The following ST6GALNAC3 variants were observed in gnomAD, a reference collection of about 807,000 sequenced individuals.
The protein encoded by ST6GALNAC3 is ST6 N-acetylgalactosaminide alpha-2,6-sialyltransferase 3.
A neutral mutation model predicts 32.7 loss-of-function variants in ST6GALNAC3; 25 were observed. The observed-to-expected ratio is 0.76, with a 90% CI of 0.56 to 1.07. The LOEUF is 1.07. Among genes scored for constraint, ST6GALNAC3 ranks in the 50% least tolerant of loss-of-function variants. The pLI, the probability that ST6GALNAC3 is intolerant of heterozygous loss-of-function variation, is 0.00. For synonymous variants in ST6GALNAC3, 129 were observed against 133.1 expected, an observed-to-expected ratio of 0.97 and a Z score of 0.21; for missense variants, 355 against 382.4, an observed-to-expected ratio of 0.93 and a Z score of 0.60.
intron 3 of ST6GALNAC3, among the ~76,000 whole-genome samples, chr1:76,532,426 G>A (rs150685484): frequency 1.6e-4 from 24 of 152,190 alleles, no homozygotes; most frequent in African/African-American, 3.9e-4. Context: ...CAGCTTGGTC[G>A]GAGTGAGATA....
chr1:76,344,067 A>G (rs17098793), intron 2 of ST6GALNAC3, among the ~76,000 whole-genome samples: 29,922 of 152,184 alleles, frequency 0.2, 3,777 homozygotes, highest in African/African-American at 0.36. Context: ...ATGCAAATGA[A>G]CAAATATGCA....
intron 1 of ST6GALNAC3, among the ~76,000 whole-genome samples, chr1:76,107,667 G>A (rs919444703): frequency 6.6e-6 from 1 of 151,692 alleles, no homozygotes; most frequent in Non-Finnish European, 1.5e-5. Context: ...CTTTTCTCTT[G>A]CCCCACCCGC....
At chr1:76,478,760 CTTTTTTT>C (rs397861238) in intron 3 of ST6GALNAC3, among the ~76,000 whole-genome samples, 2 of 109,088 alleles carry the variant, frequency 1.8e-5, no homozygotes, top group African/African-American at 3.7e-5. Flanking sequence ...TTTATTAATT[CTTTTTTT>C]TTTTTTTTTT....
At chr1:76,359,851 G>A (rs1164305389) in intron 2 of ST6GALNAC3, among the ~76,000 whole-genome samples, 1 of 152,198 alleles carries the variant, frequency 6.6e-6, no homozygotes, top group Non-Finnish European at 1.5e-5. Flanking sequence ...GACTTACAGA[G>A]TGGAGAGAAG....
At chr1:76,371,836 A>T (rs1294813761) in intron 2 of ST6GALNAC3, among the ~76,000 whole-genome samples, 1 of 152,164 alleles carries the variant, frequency 6.6e-6, no homozygotes. Flanking sequence ...TCGTGGTGGT[A>T]ATTACAGGGC....
At chr1:76,183,798 T>C (rs1353808835) in intron 1 of ST6GALNAC3, among the ~76,000 whole-genome samples, 2 of 149,430 alleles carry the variant, frequency 1.3e-5, no homozygotes, top group African/African-American at 4.9e-5. Flanking sequence ...ATTATAGTCT[T>C]ATGGGATCAG....
intron 1 of ST6GALNAC3, among the ~76,000 whole-genome samples, chr1:76,135,353 T>A (rs1649875796): frequency 6.6e-6 from 1 of 152,202 alleles, no homozygotes. Context: ...ATGTTCCATG[T>A]TGTTGTGTGA....
chr1:76,532,020 T>G (rs1049780659), intron 3 of ST6GALNAC3, among the ~76,000 whole-genome samples: 3 of 152,196 alleles, frequency 2.0e-5, no homozygotes, highest in African/African-American at 7.2e-5. Context: ...GCAGGGATAC[T>G]GGGATAGCTG....
chr1:76,237,463 C>T (rs533680238), intron 1 of ST6GALNAC3, among the ~76,000 whole-genome samples: 24 of 152,270 alleles, frequency 1.6e-4, no homozygotes, highest in Non-Finnish European at 2.5e-4. Context: ...GCCACTTTAG[C>T]TAAGCCTTTA....
intron 3 of ST6GALNAC3, among the ~76,000 whole-genome samples, chr1:76,486,880 T>C (rs1312358406): frequency 1.3e-5 from 2 of 152,218 alleles, no homozygotes; most frequent in African/African-American, 4.8e-5. Context: ...TTCCTTTCCA[T>C]GTTTAGTGCT....
intron 3 of ST6GALNAC3, among the ~76,000 whole-genome samples, chr1:76,623,649 C>T (rs1648784039): frequency 6.6e-6 from 1 of 151,930 alleles, no homozygotes; most frequent in Non-Finnish European, 1.5e-5. Flanking sequence ...ATAGTTATCA[C>T]TTTAAGGCAT....
chr1:76,307,230 G>A (rs1557772069), intron 1 of ST6GALNAC3, among the ~76,000 whole-genome samples: 1 of 152,022 alleles, frequency 6.6e-6, no homozygotes, highest in Admixed American at 6.6e-5. Context: ...AATTAGTGGG[G>A]TTTTTCCTAG....
chr1:76,308,553 A>G (rs183555958), intron 1 of ST6GALNAC3, among the ~76,000 whole-genome samples: 11 of 152,308 alleles, frequency 7.2e-5, no homozygotes, highest in African/African-American at 2.4e-4. Context: ...CACTTCCATA[A>G]ATAAATCATT....
intron 1 of ST6GALNAC3, among the ~76,000 whole-genome samples, chr1:76,133,813 A>T (rs1251192212): frequency 6.6e-6 from 1 of 152,190 alleles, no homozygotes; most frequent in African/African-American, 2.4e-5. Flanking sequence ...CATCTTCTAC[A>T]GGTTTGGAGT....
intron 3 of ST6GALNAC3, among the ~76,000 whole-genome samples, chr1:76,579,115 T>C (rs1646854718): frequency 6.6e-6 from 1 of 152,124 alleles, no homozygotes; most frequent in Non-Finnish European, 1.5e-5. Flanking sequence ...TAGCCAGTCC[T>C]GCTGATCTTT....
At chr1:76,172,597 A>G (rs1046095919) in intron 1 of ST6GALNAC3, among the ~76,000 whole-genome samples, 1 of 70,480 alleles carries the variant, frequency 1.4e-5, no homozygotes, top group African/African-American at 3.1e-5. Flanking sequence ...CCATCACCTC[A>G]GCCCAAAAAC....
chr1:76,132,255 A>T (rs1649658190), intron 1 of ST6GALNAC3, among the ~76,000 whole-genome samples: 1 of 152,152 alleles, frequency 6.6e-6, no homozygotes, highest in Admixed American at 6.5e-5. Flanking sequence ...CCTCCTCTTT[A>T]TCTGAGTCTA....
chr1:76,335,191 C>A (rs1235637140), intron 2 of ST6GALNAC3, among the ~76,000 whole-genome samples: 2 of 152,160 alleles, frequency 1.3e-5, no homozygotes, highest in Admixed American at 1.3e-4. Flanking sequence ...AGTTTATAAA[C>A]AATCACAAAT....
At chr1:76,592,998 C>CT (rs11303222) in intron 3 of ST6GALNAC3, among the ~76,000 whole-genome samples, 79 of 148,670 alleles carry the variant, frequency 5.3e-4, no homozygotes, top group South Asian at 1.3e-3. Flanking sequence ...TTTTGTCCTC[C>CT]TTTTTTTTTT....
Sources: allele counts gnomAD v4.1 joint callset (sites outside exome capture counted in the v4.1 genomes callset), GRCh38; gene constraint gnomAD v4.1.1; transcripts MANE v1.5; gene names NCBI Gene and HGNC (gene_info 2026-07-23, HGNC 2026-07-21).